Variants in SYT1 observed in about 807,000 individuals in gnomAD.
The protein encoded by SYT1 is synaptotagmin 1.
Under a neutral mutation model 44.8 loss-of-function variants are expected in SYT1, and 8 were observed. The ratio of observed to expected loss-of-function variants is 0.18; its 90% confidence interval spans 0.10 to 0.32. The LOEUF (loss-of-function observed/expected upper bound fraction) is 0.32, where lower values mean the gene tolerates loss of function less well. SYT1 is among the 10% of genes least tolerant of loss of function. The probability of loss-of-function intolerance (pLI) is 1.00; values close to 1 mark genes in which losing one functional copy is unlikely to be tolerated. For synonymous variants in SYT1, 154 were observed against 188.8 expected, an observed-to-expected ratio of 0.82 and a Z score of 1.51; for missense variants, 286 against 509.3, an observed-to-expected ratio of 0.56 and a Z score of 4.22.
At chr12:79,014,039 CGCTTGAACCCAGGAG>C (rs1244076637) in intron 2 of SYT1, among the ~76,000 whole-genome samples, 1 of 146,228 alleles carries the variant, frequency 6.8e-6, no homozygotes, top group East Asian at 2.1e-4. Context: ...GCAGGAGAAT[CGCTTGAACCCAGGAG>C]GCAAGGGTTG....
intron 5 of SYT1, among the ~76,000 whole-genome samples, chr12:79,286,656 C>CA (rs1185309307): frequency 1.3e-5 from 2 of 151,914 alleles, no homozygotes; most frequent in Non-Finnish European, 2.9e-5. Flanking sequence ...TTTCCAAGCC[C>CA]AAAAAAGCTA....
chr12:79,304,682 T>C (rs1328574539), intron 8 of SYT1, among the ~76,000 whole-genome samples: 1 of 152,096 alleles, frequency 6.6e-6, no homozygotes, highest in East Asian at 1.9e-4. Flanking sequence ...ATCATGGAAA[T>C]TGATCCAGAG....
rs899880736 is a variant in SYT1, at chr12:78,947,219, C to T, written c.-216-30580C>T. Among the ~76,000 whole-genome samples the T allele has an allele frequency of 7.9e-5, 12 of 152,190 alleles. No individual in the cohort carries two copies. In the East Asian group the frequency reaches 2.3e-3, roughly 29 times the overall value. On this transcript the variant is annotated intron_variant, in intron 1 of 10. Transcript: ENST00000261205. ...TGTGAATGATGTCCCTCATGTATTG[C>T]TTATTTCTTGAGCTTTTAGGTACAA...
At chr12:78,918,392 G>A (rs1876787633) in intron 1 of SYT1, among the ~76,000 whole-genome samples, 1 of 152,060 alleles carries the variant, frequency 6.6e-6, no homozygotes, top group African/African-American at 2.4e-5. Flanking sequence ...GCATTCATGT[G>A]TAATTTGCTT....
At chr12:79,087,050 C>A (rs562437630) in intron 3 of SYT1, among the ~76,000 whole-genome samples, 1 of 152,210 alleles carries the variant, frequency 6.6e-6, no homozygotes, top group African/African-American at 2.4e-5. Flanking sequence ...AAATGAAAAA[C>A]TGAAACCGAG....
chr12:79,190,457 T>C (rs1873047650), intron 3 of SYT1, among the ~76,000 whole-genome samples: 1 of 152,116 alleles, frequency 6.6e-6, no homozygotes, highest in African/African-American at 2.4e-5. Flanking sequence ...TACATTTTCA[T>C]TTCAAATGTA....
intron 8 of SYT1, among the ~76,000 whole-genome samples, chr12:79,301,784 A>G (rs1375224805): frequency 6.6e-6 from 1 of 152,076 alleles, no homozygotes. Flanking sequence ...TATTAATTTT[A>G]TCATTACACT....
chr12:79,253,483 GTCTCTCTCTCTCTC>G (rs60179268), intron 4 of SYT1, among the ~76,000 whole-genome samples: 88 of 129,490 alleles, frequency 6.8e-4, no homozygotes, highest in Middle Eastern at 7.5e-3. Context: ...CCATTGCCCA[GTCTCTCTCTCTCTC>G]TCTCTCTCTC....
intron 1 of SYT1, among the ~76,000 whole-genome samples, chr12:78,889,661 G>A (rs967553234): frequency 2.5e-4 from 35 of 140,122 alleles, no homozygotes; most frequent in Non-Finnish European, 1.8e-4. Context: ...GAATAATATT[G>A]ATTTATAAAG....
At chr12:79,347,180 G>T (rs1882649671) in intron 8 of SYT1, among the ~76,000 whole-genome samples, 1 of 151,926 alleles carries the variant, frequency 6.6e-6, no homozygotes, top group South Asian at 2.1e-4. Context: ...AGCTCACAGA[G>T]AAATAGTGAT....
intron 8 of SYT1, among the ~76,000 whole-genome samples, chr12:79,336,549 T>G (rs1882098197): frequency 6.6e-6 from 1 of 152,146 alleles, no homozygotes; most frequent in African/African-American, 2.4e-5. Context: ...TTGCATTTGC[T>G]GTTGACAGAG....
chr12:78,973,652 T>C (rs963894657), intron 1 of SYT1, among the ~76,000 whole-genome samples: 94 of 152,134 alleles, frequency 6.2e-4, no homozygotes, highest in African/African-American at 2.2e-3. Flanking sequence ...GTTAATCTAA[T>C]GTGCTCCAAC....
chr12:79,258,710 G>C (rs898063803), intron 4 of SYT1, among the ~76,000 whole-genome samples: 1 of 152,318 alleles, frequency 6.6e-6, no homozygotes, highest in South Asian at 2.1e-4. Flanking sequence ...TTTGTGTAGA[G>C]GTTACCCCTT....
chr12:79,221,333 G>A (rs1875149404), intron 4 of SYT1, among the ~76,000 whole-genome samples: 1 of 152,034 alleles, frequency 6.6e-6, no homozygotes, highest in South Asian at 2.1e-4. Context: ...TAGACAGCAT[G>A]TAGCTGGATC....
intron 9 of SYT1, among the ~76,000 whole-genome samples, chr12:79,431,544 A>ATTTATTTG (rs1555225321): frequency 2.0e-5 from 3 of 148,322 alleles, no homozygotes; most frequent in African/African-American, 7.5e-5. Context: ...TTATTTATTT[A>ATTTATTTG]TTTATTTATT....
chr12:79,268,502 G>GATGAGTGA (rs1878249457), intron 4 of SYT1, among the ~76,000 whole-genome samples: 2 of 152,176 alleles, frequency 1.3e-5, no homozygotes, highest in African/African-American at 2.4e-5. Context: ...TGTTCAAATG[G>GATGAGTGA]ATGAGTGAAT....
chr12:79,241,590 T>G (rs892362324), intron 4 of SYT1, among the ~76,000 whole-genome samples: 1 of 152,114 alleles, frequency 6.6e-6, no homozygotes, highest in Non-Finnish European at 1.5e-5. Context: ...TCCCAAAACA[T>G]AAAAATTCAT....
intron 1 of SYT1, among the ~76,000 whole-genome samples, chr12:78,932,594 T>C (rs969937871): frequency 1.3e-5 from 2 of 152,228 alleles, no homozygotes; most frequent in African/African-American, 4.8e-5. Flanking sequence ...ATGTTTAAAA[T>C]TTGTGTAAAT....
At chr12:79,232,527 T>C (rs911356430) in intron 4 of SYT1, among the ~76,000 whole-genome samples, 2 of 152,214 alleles carry the variant, frequency 1.3e-5, no homozygotes, top group African/African-American at 4.8e-5. Flanking sequence ...TTGCCATAGC[T>C]TGTCTACCTA....
Sources: gnomAD v4.1 joint callset for allele counts (sites outside exome capture counted in the v4.1 genomes callset) on GRCh38, gnomAD v4.1.1 for gene constraint, MANE v1.5 for transcripts, NCBI Gene and HGNC (gene_info 2026-07-23, HGNC 2026-07-21) for gene names.